RABGAP1: variants seen among roughly 807,000 people sequenced by gnomAD.
RABGAP1 encodes the protein rab GTPase-activating protein 1.
In RABGAP1, 23 loss-of-function variants were observed where a neutral mutation model predicts 137.6. That is an observed-to-expected ratio of 0.17 (90% CI 0.12 to 0.24). The LOEUF (loss-of-function observed/expected upper bound fraction) is 0.24, where lower values mean the gene tolerates loss of function less well. Among genes scored for constraint, RABGAP1 ranks in the 10% least tolerant of loss-of-function variants. RABGAP1 has a pLI of 1.00. For missense variants in RABGAP1, 906 were observed against 1,275.8 expected (o/e 0.71, Z 4.42); for synonymous variants, 451 against 450.7 (o/e 1.00, Z -0.01).
intron 19 of RABGAP1, among the ~76,000 whole-genome samples, chr9:123,080,965 A>G (rs2034688193): frequency 6.6e-6 from 1 of 151,744 alleles, no homozygotes; most frequent in Non-Finnish European, 1.5e-5. Flanking sequence ...CTCCCCTTCT[A>G]CCTCTGCCTC....
chr9:123,086,245 A>G (rs958978781), intron 19 of RABGAP1, among the ~76,000 whole-genome samples: 1 of 152,216 alleles, frequency 6.6e-6, no homozygotes, highest in Non-Finnish European at 1.5e-5. Context: ...GTCCAGGCAG[A>G]AGGAGCATGC....
At chr9:123,018,195 C>T (rs963919095) in intron 12 of RABGAP1, among the ~76,000 whole-genome samples, 3 of 152,064 alleles carry the variant, frequency 2.0e-5, no homozygotes, top group African/African-American at 4.8e-5. Context: ...AGGGTTTCAC[C>T]GTGTTAGCCA....
At chr9:122,946,787 A>G (rs1404435791) in intron 1 of RABGAP1, among the ~76,000 whole-genome samples, 1 of 152,188 alleles carries the variant, frequency 6.6e-6, no homozygotes, top group Admixed American at 6.5e-5. Context: ...CATTGGCAAG[A>G]TTTTTTTCAG....
intron 14 of RABGAP1, 130 bp downstream of exon 14, chr9:123,065,591 C>A: frequency 1.4e-6 from 1 of 727,552 alleles, no homozygotes; most frequent in Non-Finnish European, 2.4e-6. Context: ...AAAGACATTG[C>A]AAAGTCAAAG....
upstream of RABGAP1, chr9:122,938,633 ACT>A (rs1342558640): frequency 6.6e-6 from 1 of 152,170 alleles, no homozygotes; most frequent in Admixed American, 6.5e-5. Flanking sequence ...TATTAGCATA[ACT>A]CTGTAAGATA....
intron 13 of RABGAP1, among the ~76,000 whole-genome samples, chr9:123,048,881 TTA>T (rs1478850021): frequency 1.3e-5 from 2 of 152,214 alleles, no homozygotes; most frequent in African/African-American, 4.8e-5. Context: ...CAGTTAGCAT[TTA>T]TGTCTTATTT....
intron 13 of RABGAP1, among the ~76,000 whole-genome samples, chr9:123,045,082 C>T (rs1251508029): frequency 1.3e-5 from 2 of 152,182 alleles, no homozygotes; most frequent in Non-Finnish European, 2.9e-5. Flanking sequence ...TACAAAACGA[C>T]TGAATTAGCT....
At position 122,967,682 on chromosome 9, in the gene RABGAP1, C is replaced by T. The variant is rs569581451; in HGVS notation, c.150+10473C>T. ...GTCATTTATAGTACATGGGGGGAAC[C>T]CTCAGGTATCTTCCGAAGAACAACT... is the stretch of plus-strand genomic sequence containing the variant. On this transcript the variant is annotated intron_variant, in intron 2 of 25. Coordinates refer to ENST00000373647, the MANE Select transcript of RABGAP1 (RefSeq NM_012197.4). 2.6e-5 allele frequency among the ~76,000 whole-genome samples: 4 copies of T among 152,234 alleles called. No individual in the cohort carries two copies. In the South Asian group the frequency reaches 8.3e-4, roughly 32 times the overall value.
intron 13 of RABGAP1, among the ~76,000 whole-genome samples, chr9:123,044,193 G>A (rs528641184): frequency 1.2e-4 from 18 of 152,056 alleles, no homozygotes; most frequent in African/African-American, 3.6e-4. Context: ...GTGAGCCACC[G>A]CGCCCAGCCA....
At chr9:123,073,114 G>A (rs752356132) in intron 15 of RABGAP1, among the ~76,000 whole-genome samples, 1 of 152,160 alleles carries the variant, frequency 6.6e-6, no homozygotes. Context: ...AGCAGCTAAG[G>A]GAGGAAAAAT....
chr9:122,948,701 A>G (rs1006713895), intron 1 of RABGAP1, among the ~76,000 whole-genome samples: 11 of 152,230 alleles, frequency 7.2e-5, no homozygotes, highest in Middle Eastern at 3.4e-3. Flanking sequence ...GTTTGGTCCA[A>G]AGGGAACCCA....
chr9:123,034,992 A>T (rs759813087), intron 13 of RABGAP1: 25 of 1,613,678 alleles, frequency 1.5e-5, no homozygotes, highest in Middle Eastern at 1.6e-4. Context: ...CTCTGGTTAC[A>T]CCCTGGAGAC....
intron 2 of RABGAP1, among the ~76,000 whole-genome samples, chr9:122,958,361 A>G (rs1834655512): frequency 6.6e-6 from 1 of 152,038 alleles, no homozygotes. Context: ...GGGGAAATAG[A>G]CTCTAAGCAA....
At chr9:123,027,922 G>A (rs1237728923) in intron 13 of RABGAP1, among the ~76,000 whole-genome samples, 1 of 152,204 alleles carries the variant, frequency 6.6e-6, no homozygotes, top group African/African-American at 2.4e-5. Context: ...GCTACAGTAG[G>A]TCCCTCTAAA....
At chr9:122,996,000 G>A in intron 6 of RABGAP1, 41 bp from the exon 7 acceptor site, 1 of 1,550,470 alleles carries the variant, frequency 6.4e-7, no homozygotes, top group Non-Finnish European at 8.7e-7. Flanking sequence ...TATGTGACAA[G>A]AAAATGCTTT....
chr9:122,991,469 C>A (rs968938426), intron 6 of RABGAP1, among the ~76,000 whole-genome samples: 37 of 152,068 alleles, frequency 2.4e-4, no homozygotes, highest in Non-Finnish European at 1.5e-5. Context: ...AATTTTTAGT[C>A]TTTCTTCAGA....
At chr9:122,994,052 G>A (rs549988908) in intron 6 of RABGAP1, among the ~76,000 whole-genome samples, 23 of 152,190 alleles carry the variant, frequency 1.5e-4, no homozygotes, top group African/African-American at 5.3e-4. Flanking sequence ...AGATAAATTG[G>A]GTAGTTTATA....
At chr9:123,013,110 C>A (rs983982640) in intron 11 of RABGAP1, among the ~76,000 whole-genome samples, 2 of 152,056 alleles carry the variant, frequency 1.3e-5, no homozygotes, top group African/African-American at 2.4e-5. Flanking sequence ...TTGAAAGTAT[C>A]CAAAATGTGA....
chr9:123,082,327 T>C (rs1229566565), intron 19 of RABGAP1, among the ~76,000 whole-genome samples: 1 of 152,176 alleles, frequency 6.6e-6, no homozygotes, highest in East Asian at 1.9e-4. Context: ...TGACCTGAGA[T>C]AGAAAAATTG....
Sources: allele counts gnomAD v4.1 joint callset (sites outside exome capture counted in the v4.1 genomes callset), GRCh38; gene constraint gnomAD v4.1.1; transcripts MANE v1.5; gene names NCBI Gene and HGNC (gene_info 2026-07-23, HGNC 2026-07-21).